Variants in MAEA observed in about 807,000 individuals in gnomAD.
MAEA encodes the protein macrophage erythroblast attacher, E3 ubiquitin ligase.
A neutral mutation model predicts 46.2 loss-of-function variants in MAEA; 22 were observed. The ratio of observed to expected loss-of-function variants is 0.48; its 90% confidence interval spans 0.34 to 0.68. The LOEUF (loss-of-function observed/expected upper bound fraction) is 0.68. Among genes scored for constraint, MAEA ranks in the 30% least tolerant of loss-of-function variants. The pLI, the probability that MAEA is intolerant of heterozygous loss-of-function variation, is 0.01. For synonymous variants in MAEA, 246 were observed against 222.6 expected (o/e 1.11, Z -0.94); for missense variants, 393 against 558.1 (o/e 0.70, Z 2.98).
Position 1,311,776 on chromosome 4 carries a change from T to C in MAEA, c.70-203T>C, listed in dbSNP as rs180777997. Among the ~76,000 whole-genome samples, 1 of 152,336 alleles carries C rather than the reference T, an allele frequency of 6.6e-6. No homozygotes were observed. Among genetic ancestry groups the C allele is most frequent in the Non-Finnish European group, 1.5e-5 (1 of 68,018 alleles). On this transcript the variant is annotated intron_variant, in intron 1 of 8. Coordinates refer to ENST00000303400, the MANE Select transcript of MAEA (RefSeq NM_001017405.3). This position sits in a 1 kb window ranked among gnomAD's most constrained non-coding sequence, Gnocchi z 4.4. The stretch of plus-strand genomic sequence containing the variant: ...TGGCAAAAATTGGGGTTGCTTCTCA[T>C]CCAGGGATGTGGAGTGGCTCTCCGT...
At chr4:1,325,394 G>A (rs528459701) in intron 4 of MAEA, among the ~76,000 whole-genome samples, 5 of 152,370 alleles carry the variant, frequency 3.3e-5, no homozygotes, top group Non-Finnish European at 5.9e-5. Flanking sequence ...GTATGGGACA[G>A]TGTAGACTCG....
At chr4:1,318,334 A>AGACGTGAAGTGAAAGAAGGGGGTCCT in intron 3 of MAEA, among the ~76,000 whole-genome samples, 1 of 152,196 alleles carries the variant, frequency 6.6e-6, no homozygotes, top group African/African-American at 2.4e-5. Flanking sequence ...TGGGGGAGAG[A>AGACGTGAAGTGAAAGAAGGGGGTCCT]GACGTGAAGT....
chr4:1,313,105 A>C (rs1167606478), intron 2 of MAEA, among the ~76,000 whole-genome samples: 1 of 152,212 alleles, frequency 6.6e-6, no homozygotes, highest in Non-Finnish European at 1.5e-5. Context: ...ACTGGCGTTG[A>C]CACAGCATTG....
intron 1 of MAEA, among the ~76,000 whole-genome samples, chr4:1,297,707 C>T (rs1166483297): frequency 1.3e-5 from 2 of 152,184 alleles, no homozygotes; most frequent in Admixed American, 6.5e-5. Flanking sequence ...CACGTCACAC[C>T]CACGAGTGCC....
chr4:1,323,225 G>A (rs987913159), intron 4 of MAEA, among the ~76,000 whole-genome samples: 9 of 152,094 alleles, frequency 5.9e-5, no homozygotes, highest in East Asian at 3.9e-4. Flanking sequence ...GATTACAGGC[G>A]TGAGCCACCG....
intron 4 of MAEA, among the ~76,000 whole-genome samples, chr4:1,325,478 A>G (rs1398595920): frequency 6.6e-6 from 1 of 152,230 alleles, no homozygotes; most frequent in African/African-American, 2.4e-5. Flanking sequence ...ACCAATTGAA[A>G]GTAACCTACT....
At chr4:1,309,912 G>A in intron 1 of MAEA, 1 of 1,285,672 alleles carries the variant, frequency 7.8e-7, no homozygotes, top group Non-Finnish European at 9.9e-7. Flanking sequence ...GTCCAGAAAG[G>A]CCCCGTTCCC....
At chr4:1,301,811 A>AT in intron 1 of MAEA, among the ~76,000 whole-genome samples, 1 of 152,388 alleles carries the variant, frequency 6.6e-6, no homozygotes, top group South Asian at 2.1e-4. Context: ...TACAGTTGTT[A>AT]TTTTTGTAAG....
chr4:1,338,479 C>T lies in MAEA; in HGVS notation c.957C>T (p.Arg319=), dbSNP rs770410392. ...GCCCTGACTGCCCTGTGTGCAGCCG[C>T]TCCCTGAACAAGCTGGCGCAGCCCC... The part of the protein sequence containing the change: ...SKSPDCPVCS[R]SLNKLAQPLP... The change falls in exon 8 of 9, where the codon CGC becomes CGT. Residue 319 remains arginine, a synonymous_variant. Coordinates refer to ENST00000303400, the MANE Select transcript of MAEA (RefSeq NM_001017405.3). 6.2e-7 allele frequency: 1 copy of T among 1,613,202 alleles called. No homozygotes were observed. The highest frequency in any genetic ancestry group is 8.5e-7 in the Non-Finnish European group (1 of 1,179,998).
intron 2 of MAEA, chr4:1,312,406 G>A: frequency 2.3e-6 from 1 of 437,926 alleles, no homozygotes; most frequent in East Asian, 4.5e-5. Context: ...AGACCAGGAT[G>A]TATAGCAGGT....
At chr4:1,291,423 T>TA (rs1270418623) in intron 1 of MAEA, among the ~76,000 whole-genome samples, 1 of 152,138 alleles carries the variant, frequency 6.6e-6, no homozygotes, top group Non-Finnish European at 1.5e-5. Context: ...CTCCAAGATG[T>TA]AGGTGGTTGG....
chr4:1,332,319 C>T (rs1711945118), intron 5 of MAEA: 2 of 158,672 alleles, frequency 1.3e-5, no homozygotes, highest in East Asian at 1.9e-4. Context: ...TGGTGAGCCG[C>T]ACCTCCCGCC....
intron 1 of MAEA, among the ~76,000 whole-genome samples, chr4:1,304,974 G>A (rs1029185701): frequency 2.0e-5 from 3 of 151,830 alleles, no homozygotes; most frequent in African/African-American, 7.3e-5. Flanking sequence ...TATCTGCTTC[G>A]GTTTCTCAGA....
In MAEA at chr4:1,311,894, G is replaced by C. The variant is rs1736547573; in HGVS notation, c.70-85G>C. 1 of 1,232,974 alleles carries C rather than the reference G, an allele frequency of 8.1e-7. No individual in the cohort carries two copies. The highest frequency in any genetic ancestry group is 1.5e-5 in the African/African-American group (1 of 66,136). 76.4% of individuals were successfully genotyped at this position (1,232,974 alleles called of 1,614,324 possible). Reference sequence around the variant, plus strand: ...AGACTTCTGCCTCTACAAGTGCCATGAGGAGACCTGGTGTGTCCTGGGTGT... The same window carrying C: ...AGACTTCTGCCTCTACAAGTGCCATCAGGAGACCTGGTGTGTCCTGGGTGT... On this transcript the variant is annotated intron_variant, in intron 1 of 8. Transcript: ENST00000303400. The surrounding 1 kb of genome is among the most constrained non-coding windows in gnomAD (Gnocchi z 4.4).
intron 4 of MAEA, among the ~76,000 whole-genome samples, chr4:1,326,682 T>A: frequency 7.0e-6 from 1 of 142,178 alleles, no homozygotes; most frequent in Non-Finnish European, 1.5e-5. Flanking sequence ...TCGGCCTCTC[T>A]CCGTCTTCTA....
At chr4:1,307,842 G>A (rs1300258080) in intron 1 of MAEA, among the ~76,000 whole-genome samples, 2 of 152,070 alleles carry the variant, frequency 1.3e-5, no homozygotes, top group South Asian at 2.1e-4. Flanking sequence ...GGGCCCCAGC[G>A]GACTGGATGG....
At chr4:1,304,400 C>T (rs4974547) in intron 1 of MAEA, among the ~76,000 whole-genome samples, 16,513 of 151,962 alleles carry the variant, frequency 0.11, 1,710 homozygotes, top group East Asian at 0.42. Context: ...TCCCAAAGCA[C>T]GGGGATTCCA....
chr4:1,326,720 G>T (rs1363347990), intron 4 of MAEA, among the ~76,000 whole-genome samples: 3 of 147,600 alleles, frequency 2.0e-5, no homozygotes, highest in Non-Finnish European at 4.4e-5. Context: ...CTCCCTTCAC[G>T]CGAGCCGCCC....
At chr4:1,302,251 A>C (rs1735392266) in intron 1 of MAEA, among the ~76,000 whole-genome samples, 2 of 152,244 alleles carry the variant, frequency 1.3e-5, no homozygotes, top group Admixed American at 6.5e-5. Flanking sequence ...GAAGGACAAC[A>C]ACCACATAAT....
Sources: allele counts gnomAD v4.1 joint callset (sites outside exome capture counted in the v4.1 genomes callset), GRCh38; gene constraint gnomAD v4.1.1; non-coding constraint Gnocchi (gnomAD v3.1); transcripts MANE v1.5; gene names NCBI Gene and HGNC (gene_info 2026-07-23, HGNC 2026-07-21).